MYT1L: variants seen among roughly 807,000 people sequenced by gnomAD.
The protein encoded by MYT1L is myelin transcription factor 1 like, also known as myelin transcription factor 1-like protein.
Under a neutral mutation model 126.7 loss-of-function variants are expected in MYT1L, and 12 were observed. The ratio of observed to expected loss-of-function variants is 0.09; its 90% confidence interval spans 0.06 to 0.15. The LOEUF is 0.15. MYT1L is among the 10% of genes least tolerant of loss of function. The probability of loss-of-function intolerance (pLI) is 1.00; values close to 1 mark genes in which losing one functional copy is unlikely to be tolerated. For synonymous variants in MYT1L, 541 were observed against 604.2 expected, an observed-to-expected ratio of 0.90 and a Z score of 1.53; for missense variants, 979 against 1,585.2, an observed-to-expected ratio of 0.62 and a Z score of 6.49.
At chr2:1,824,003 C>G (rs1017945728) in intron 21 of MYT1L, among the ~76,000 whole-genome samples, 3 of 152,192 alleles carry the variant, frequency 2.0e-5, no homozygotes, top group East Asian at 1.9e-4. Flanking sequence ...GCGCCTCCCC[C>G]CCCAGCGGGG....
At chr2:2,330,433 A>G (rs6753559) in intron 1 of MYT1L, among the ~76,000 whole-genome samples, 2,087 of 152,302 alleles carry the variant, frequency 0.014, 56 homozygotes, top group African/African-American at 0.047. Flanking sequence ...TTACAAAAAG[A>G]CATATTTCTG....
At chr2:2,248,734 G>A (rs59953260) in intron 2 of MYT1L, among the ~76,000 whole-genome samples, 4,033 of 152,078 alleles carry the variant, frequency 0.027, 163 homozygotes, top group African/African-American at 0.092. Context: ...AAATCAATCA[G>A]TGTCATACAC....
At chr2:1,796,109 C>CGTGACGCTGT (rs1212899832) in intron 23 of MYT1L, among the ~76,000 whole-genome samples, 3 of 152,214 alleles carry the variant, frequency 2.0e-5, no homozygotes, top group Admixed American at 6.5e-5. Context: ...TGCAGCACCA[C>CGTGACGCTGT]GTGACGCTGT....
rs1320931775 is a variant in MYT1L at position 1,923,013 on chromosome 2, G to A, written c.756C>T (p.Asp252=). The part of the protein sequence containing the change: ...NLGRKSELSL[D]LDSDVVRETV... ...TTTCTCTAACAACATCACTGTCTAAGTCTAAACTCAACTCACTTTTCCGAC... is the reference window on the plus strand; with the variant it reads ...TTTCTCTAACAACATCACTGTCTAAATCTAAACTCAACTCACTTTTCCGAC... Residue 252 remains aspartate (D), a synonymous_variant, in exon 10 of 25, where the codon GAC becomes GAT. Coordinates refer to ENST00000647738, the MANE Select transcript of MYT1L (RefSeq NM_001303052.2). 8 of 1,613,872 alleles carry A rather than the reference G, an allele frequency of 5.0e-6. No individual in the cohort carries two copies. Among genetic ancestry groups the A allele is most frequent in the South Asian group, 1.1e-5 (1 of 91,078 alleles).
At chr2:2,158,304 C>G (rs1416635455) in intron 3 of MYT1L, among the ~76,000 whole-genome samples, 2 of 152,100 alleles carry the variant, frequency 1.3e-5, no homozygotes, top group African/African-American at 4.8e-5. Context: ...CCATTGTTTC[C>G]TAGAAAAAAA....
At chr2:1,968,094 T>C (rs1386569918) in intron 8 of MYT1L, among the ~76,000 whole-genome samples, 2 of 152,152 alleles carry the variant, frequency 1.3e-5, no homozygotes, top group Non-Finnish European at 2.9e-5. Context: ...GTGTCCAGGG[T>C]GCTCAGGGAA....
chr2:2,057,734 C>T (rs2069794956), intron 3 of MYT1L, among the ~76,000 whole-genome samples: 1 of 152,028 alleles, frequency 6.6e-6, no homozygotes, highest in Non-Finnish European at 1.5e-5. Flanking sequence ...TTTTCTTATT[C>T]AGCATAATTC....
chr2:1,995,511 GA>G (rs1297313102), intron 5 of MYT1L, among the ~76,000 whole-genome samples: 1 of 152,220 alleles, frequency 6.6e-6, no homozygotes, highest in East Asian at 1.9e-4. Context: ...TTGCAGAAGA[GA>G]GGAGAAAGTT....
chr2:2,093,214 G>T (rs763911438), intron 3 of MYT1L, among the ~76,000 whole-genome samples: 2 of 150,056 alleles, frequency 1.3e-5, no homozygotes, highest in Admixed American at 6.7e-5. Flanking sequence ...TTTCTTTCCA[G>T]CAAGGAGACT....
chr2:1,968,167 ATCCCCGTTGAGGTT>A (rs2059523489), intron 8 of MYT1L, among the ~76,000 whole-genome samples: 1 of 152,188 alleles, frequency 6.6e-6, no homozygotes. Context: ...CTCAGATCTT[ATCCCCGTTGAGGTT>A]GGACTAAAGC....
chr2:2,135,249 T>C (rs2082900229), intron 3 of MYT1L, among the ~76,000 whole-genome samples: 1 of 152,178 alleles, frequency 6.6e-6, no homozygotes, highest in African/African-American at 2.4e-5. Context: ...CCTTGTGCTG[T>C]TCTCATGATA....
At chr2:1,839,104 C>T (rs116593111) in intron 21 of MYT1L, 45 bp downstream of exon 21, 27 of 1,531,386 alleles carry the variant, frequency 1.8e-5, no homozygotes, top group African/African-American at 6.8e-5. Context: ...AGTCGGCTCT[C>T]GGCGGCACCA....
intron 4 of MYT1L, among the ~76,000 whole-genome samples, chr2:2,013,732 C>G (rs542146741): frequency 4.3e-4 from 65 of 152,332 alleles, no homozygotes; most frequent in African/African-American, 1.5e-3. Context: ...GCAATTCTCA[C>G]CAGAAAGGGG....
At chr2:2,271,195 G>A (rs566691182) in intron 2 of MYT1L, among the ~76,000 whole-genome samples, 57 of 152,302 alleles carry the variant, frequency 3.7e-4, no homozygotes, top group African/African-American at 1.3e-3. Context: ...GTCACAGGGG[G>A]ACACAGTGCC....
At chr2:1,974,194 C>A (rs944087069) in intron 8 of MYT1L, among the ~76,000 whole-genome samples, 17 of 152,182 alleles carry the variant, frequency 1.1e-4, no homozygotes, top group Non-Finnish European at 1.3e-4. Flanking sequence ...CTTAGGATGA[C>A]TGAGGTTTGC....
At chr2:2,173,153 T>C (rs1311690851) in intron 2 of MYT1L, among the ~76,000 whole-genome samples, 165 bp from the exon 3 acceptor site, 2 of 152,238 alleles carry the variant, frequency 1.3e-5, no homozygotes, top group Admixed American at 6.5e-5. Context: ...AACCTTGTTA[T>C]ATAAACTCTA....
intron 2 of MYT1L, among the ~76,000 whole-genome samples, chr2:2,212,691 T>C (rs1316059149): frequency 6.6e-6 from 1 of 152,220 alleles, no homozygotes; most frequent in Non-Finnish European, 1.5e-5. Flanking sequence ...TCATTAGCCT[T>C]AATTGTTAAC....
intron 5 of MYT1L, among the ~76,000 whole-genome samples, chr2:1,985,717 C>T (rs7570798): frequency 0.012 from 1,802 of 152,330 alleles, 36 homozygotes; most frequent in African/African-American, 0.041. Context: ...AATCACGCTA[C>T]AAATCCTAAG....
intron 3 of MYT1L, among the ~76,000 whole-genome samples, chr2:2,078,254 G>A (rs1370927383): frequency 1.3e-5 from 2 of 152,000 alleles, no homozygotes; most frequent in Non-Finnish European, 2.9e-5. Context: ...CAAGAATATG[G>A]CAAAAATAGG....
Sources: allele counts gnomAD v4.1 joint callset (sites outside exome capture counted in the v4.1 genomes callset), GRCh38; gene constraint gnomAD v4.1.1; transcripts MANE v1.5; gene names NCBI Gene and HGNC (gene_info 2026-07-23, HGNC 2026-07-21).